The following MAP1LC3A variants were observed in gnomAD, a reference collection of about 807,000 sequenced individuals.
The protein encoded by MAP1LC3A is microtubule associated protein 1 light chain 3 alpha, also known as microtubule-associated protein 1 light chain 3 alpha.
A neutral mutation model predicts 15.2 loss-of-function variants in MAP1LC3A; 10 were observed. The ratio of observed to expected loss-of-function variants is 0.66; its 90% confidence interval spans 0.41 to 1.12. The LOEUF is 1.12. Ranked by LOEUF, MAP1LC3A falls within the 50% of genes most tolerant of loss-of-function variation. The pLI, the probability that MAP1LC3A is intolerant of heterozygous loss-of-function variation, is 0.00. For synonymous variants in MAP1LC3A, 63 were observed against 64.3 expected, an observed-to-expected ratio of 0.98 and a Z score of 0.10; for missense variants, 138 against 167.3, an observed-to-expected ratio of 0.82 and a Z score of 0.97.
Position 34,559,136 on chromosome 20 carries a change from CGCCCCTCCGGG to C in MAP1LC3A, c.41-71_41-61del. 4 of 1,411,570 alleles carry C rather than the reference CGCCCCTCCGGG, an allele frequency of 2.8e-6. No individual in the cohort carries two copies. In the South Asian group the frequency reaches 6.1e-5, roughly 22 times the overall value. 87.4% of individuals were successfully genotyped at this position (1,411,570 alleles called of 1,614,324 possible). A position where few individuals can be genotyped will look rare whatever the true frequency, so the allele number is the denominator to read the frequency against. ...CTGGAGCTGGGGCGTGGCCGGGGGCCGCCCCTCCGGGACAGGCGGGGCGGACCTGGGCCGGC... is the reference window on the plus strand; with the variant it reads ...CTGGAGCTGGGGCGTGGCCGGGGGCCACAGGCGGGGCGGACCTGGGCCGGC... On this transcript the variant is annotated intron_variant, in intron 1 of 3. Transcript: ENST00000360668.
Position 34,560,239 on chromosome 20 carries a change from C to A in MAP1LC3A, c.*341C>A. ...TCTGCCCACCGCCTGGACCTGCCCA[C>A]CCCTGAAAGACTGGCCCCTGGCTCC... is the stretch of plus-strand genomic sequence containing the variant. On this transcript the variant is annotated 3_prime_UTR_variant, in exon 4 of 4. Coordinates refer to ENST00000360668, the MANE Select transcript of MAP1LC3A (RefSeq NM_032514.4). The A allele has an allele frequency of 3.9e-6, 1 of 258,012 alleles. No individual in the cohort carries two copies. The highest frequency in any genetic ancestry group is 7.5e-6 in the Non-Finnish European group (1 of 133,050). 16.0% of individuals were successfully genotyped at this position (258,012 alleles called of 1,614,324 possible).
At chr20:34,555,905 C>T (rs575350012), upstream of MAP1LC3A, among the ~76,000 whole-genome samples, 10 of 150,792 alleles carry the variant, frequency 6.6e-5, no homozygotes, top group South Asian at 1.5e-3. Flanking sequence ...TGCAGTGGCG[C>T]GATCTCCATT....
rs184334967 is a variant in MAP1LC3A, at chr20:34,552,483, G to T, written c.52+2454G>T. On this transcript the variant is annotated intron_variant, in intron 2 of 4. Coordinates refer to the MAP1LC3A transcript ENST00000374837. ...GGTGTGAGGGACACAGAGATCCCGGGGAAGGATGTTCCAGGCAAAGGCCCT... is the reference window on the plus strand; with the variant it reads ...GGTGTGAGGGACACAGAGATCCCGGTGAAGGATGTTCCAGGCAAAGGCCCT... 2.6e-5 allele frequency among the ~76,000 whole-genome samples: 4 copies of T among 152,370 alleles called. No homozygotes were observed. In the East Asian group the frequency reaches 7.7e-4, roughly 29 times the overall value.
upstream of MAP1LC3A, chr20:34,558,492 C>A: frequency 9.7e-7 from 1 of 1,035,530 alleles, no homozygotes; most frequent in Non-Finnish European, 1.2e-6. The surrounding 1 kb of genome is among the most constrained non-coding windows in gnomAD (Gnocchi z 4.3). Flanking sequence ...GGCCCCACCG[C>A]CCTCCGGGCC....
upstream of MAP1LC3A, among the ~76,000 whole-genome samples, chr20:34,557,914 C>A (rs375026621): frequency 3.3e-5 from 5 of 151,964 alleles, no homozygotes; most frequent in Admixed American, 2.6e-4. Flanking sequence ...GGCGACAGAA[C>A]GAGACTTCGT....
intron 1 of MAP1LC3A, chr20:34,549,790 T>A (rs1334483061): frequency 9.2e-6 from 5 of 544,482 alleles, no homozygotes; most frequent in East Asian, 5.8e-5. Context: ...CTGGTGGGCG[T>A]GTCTTAGGGA....
chr20:34,546,948 G>A (rs1462235597), intron 1 of MAP1LC3A: 3 of 152,368 alleles, frequency 2.0e-5, no homozygotes, highest in Non-Finnish European at 4.4e-5. Context: ...GTTTGCTGCG[G>A]AGAGATCGTA....
Position 34,559,253 on chromosome 20 carries a change from G to C in MAP1LC3A, c.86G>C (p.Ser29Thr). 6.2e-7 allele frequency: 1 copy of C among 1,605,242 alleles called. No individual in the cohort carries two copies. Among genetic ancestry groups the C allele is most frequent in the Non-Finnish European group, 8.5e-7 (1 of 1,176,832 alleles). The stretch of plus-strand genomic sequence containing the variant: ...CAGCAGATCCGCGACCAGCACCCCA[G>C]CAAAATCCCGGTGAGTCCCGCACCC... ...EVQQIRDQHP[S>T]KIPVIIERYK... Residue 29 changes from serine to threonine, a missense_variant, in exon 2 of 4, where the codon AGC becomes ACC. Ser to Thr is a moderately conservative substitution (Grantham distance 58, BLOSUM62 1). Coordinates refer to ENST00000360668, the MANE Select transcript of MAP1LC3A (RefSeq NM_032514.4).
upstream of MAP1LC3A, chr20:34,558,559 C>T (rs1020646847): frequency 6.8e-6 from 8 of 1,168,132 alleles, no homozygotes; most frequent in East Asian, 3.2e-4. This position sits in a 1 kb window ranked among gnomAD's most constrained non-coding sequence, Gnocchi z 4.3. Flanking sequence ...CGTCACGGGA[C>T]TGTGACGCGC....
At chr20:34,558,191 TTC>T, upstream of MAP1LC3A, 1 of 976,070 alleles carries the variant, frequency 1.0e-6, no homozygotes, top group Non-Finnish European at 1.2e-6. This position sits in a 1 kb window ranked among gnomAD's most constrained non-coding sequence, Gnocchi z 4.3. Flanking sequence ...CTTTTCTGCC[TTC>T]TCACCTCATC....
intron 2 of MAP1LC3A, among the ~76,000 whole-genome samples, chr20:34,551,011 G>C (rs1981925883): frequency 6.6e-6 from 1 of 152,006 alleles, no homozygotes; most frequent in African/African-American, 2.4e-5. Context: ...ACTTTAGGAG[G>C]CTGAAACCGG....
chr20:34,551,382 G>A (rs1981941343), intron 2 of MAP1LC3A, among the ~76,000 whole-genome samples: 2 of 151,998 alleles, frequency 1.3e-5, no homozygotes, highest in Non-Finnish European at 2.9e-5. Context: ...CCAGAATATG[G>A]TGAGAAATGA....
intron 2 of MAP1LC3A, chr20:34,550,153 A>T: frequency 1.2e-6 from 1 of 846,222 alleles, no homozygotes; most frequent in Non-Finnish European, 1.9e-6. Context: ...GGCCAAGGCC[A>T]GTTCTCCACT....
upstream of MAP1LC3A, chr20:34,558,545 A>G: frequency 1.8e-6 from 2 of 1,133,874 alleles, no homozygotes; most frequent in Non-Finnish European, 2.2e-6. This position sits in a 1 kb window ranked among gnomAD's most constrained non-coding sequence, Gnocchi z 4.3. Flanking sequence ...CGCGCTGCCC[A>G]TGACGTCACG....
intron 3 of MAP1LC3A, 65 bp downstream of exon 3, chr20:34,559,518 A>T: frequency 7.0e-7 from 1 of 1,438,248 alleles, no homozygotes; most frequent in Non-Finnish European, 9.7e-7. Flanking sequence ...CCCGCCGAGA[A>T]GGGGTGGGAG....
upstream of MAP1LC3A, chr20:34,558,615 C>T: frequency 8.2e-7 from 1 of 1,220,132 alleles, no homozygotes; most frequent in East Asian, 3.4e-5. The surrounding 1 kb of genome is among the most constrained non-coding windows in gnomAD (Gnocchi z 4.3). Context: ...CCCAGGCTCT[C>T]TGCGCCGTGA....
rs1254378046 is a variant in MAP1LC3A, at chr20:34,559,233, G to A, written c.66G>A (p.Gln22=). The A allele has an allele frequency of 1.2e-6, 2 of 1,605,390 alleles. No individual in the cohort carries two copies. Among genetic ancestry groups the A allele is most frequent in the Non-Finnish European group, 1.7e-6 (2 of 1,177,022 alleles). ...CCGACCGCTGTAAGGAGGTACAGCA[G>A]ATCCGCGACCAGCACCCCAGCAAAA... ...SFADRCKEVQ[Q]IRDQHPSKIP... The change falls in exon 2 of 4, where the codon CAG becomes CAA. Residue 22 remains glutamine, a synonymous_variant. Transcript: ENST00000360668.
chr20:34,559,606 C>G, intron 3 of MAP1LC3A, 130 bp from the exon 4 acceptor site: 1 of 1,248,798 alleles, frequency 8.0e-7, no homozygotes, highest in South Asian at 1.3e-5. Context: ...GGGCTGCAGT[C>G]GGTGTTGGGT....
upstream of MAP1LC3A, chr20:34,558,238 A>T (rs1982232400): frequency 9.2e-6 from 9 of 982,098 alleles, no homozygotes; most frequent in Non-Finnish European, 1.1e-5. This position sits in a 1 kb window ranked among gnomAD's most constrained non-coding sequence, Gnocchi z 4.3. Flanking sequence ...TCTACTTTTC[A>T]ATTATATTAT....
Sources: allele counts gnomAD v4.1 joint callset (sites outside exome capture counted in the v4.1 genomes callset), GRCh38; gene constraint gnomAD v4.1.1; non-coding constraint Gnocchi (gnomAD v3.1); transcripts MANE v1.5; gene names NCBI Gene and HGNC (gene_info 2026-07-23, HGNC 2026-07-21).